Variants in ELAVL2 observed in about 807,000 individuals in gnomAD.
ELAVL2 encodes ELAV-like protein 2.
In ELAVL2, 4 loss-of-function variants were observed where a neutral mutation model predicts 34.6. The observed-to-expected ratio is 0.12, with a 90% CI of 0.06 to 0.26. The LOEUF (loss-of-function observed/expected upper bound fraction) is 0.26, where lower values mean the gene tolerates loss of function less well. ELAVL2 is among the 10% of genes least tolerant of loss of function. The pLI, the probability that ELAVL2 is intolerant of heterozygous loss-of-function variation, is 1.00. For synonymous variants in ELAVL2, 193 were observed against 154.8 expected (o/e 1.25, Z -1.83); for missense variants, 432 against 442.8 (o/e 0.98, Z 0.22).
chr9:23,760,325 C>T (rs1196321179), intron 2 of ELAVL2, among the ~76,000 whole-genome samples: 1 of 151,884 alleles, frequency 6.6e-6, no homozygotes, highest in Non-Finnish European at 1.5e-5. Flanking sequence ...GACTTTTGTG[C>T]TCTGTTCATG....
chr9:23,756,231 A>G (rs768536358), intron 2 of ELAVL2, among the ~76,000 whole-genome samples: 22 of 152,324 alleles, frequency 1.4e-4, no homozygotes, highest in Non-Finnish European at 3.1e-4. Flanking sequence ...TTAATAAAAA[A>G]TATTTTAAGA....
intron 1 of ELAVL2, among the ~76,000 whole-genome samples, chr9:23,820,640 A>AAG (rs1288736373): frequency 6.7e-6 from 1 of 148,230 alleles, no homozygotes; most frequent in Non-Finnish European, 1.5e-5. Flanking sequence ...TGCCGTGAGA[A>AAG]AGACTGCTGG....
intron 1 of ELAVL2, among the ~76,000 whole-genome samples, chr9:23,776,046 C>G (rs1459692326): frequency 6.6e-6 from 1 of 152,096 alleles, no homozygotes; most frequent in Non-Finnish European, 1.5e-5. Context: ...AAAAACAACC[C>G]CCTTACTTAT....
chr9:23,703,751 C>G (rs941545880), intron 4 of ELAVL2, among the ~76,000 whole-genome samples: 1 of 151,824 alleles, frequency 6.6e-6, no homozygotes, highest in Non-Finnish European at 1.5e-5. Flanking sequence ...ATACGGGTGG[C>G]GGGGAGAGAA....
intron 1 of ELAVL2, among the ~76,000 whole-genome samples, chr9:23,787,952 A>T (rs1187253539): frequency 6.6e-6 from 1 of 152,178 alleles, no homozygotes; most frequent in African/African-American, 2.4e-5. Flanking sequence ...GCTGATCCAG[A>T]CTAACTTCAG....
chr9:23,701,502 G>A lies in ELAVL2; in HGVS notation c.590C>T (p.Pro197Leu). ...GTTATTAGCAAACTTTACAGTGATT[G>A]GCTCCGTGGCACCGGGAGGTTTCTG... ...NGQKPPGATEPITVKFANNPS... is the reference protein window; with the variant it reads ...NGQKPPGATELITVKFANNPS... The change falls in exon 5 of 7, where the codon CCA (proline) becomes CTA (leucine). Residue 197 changes from proline (P) to leucine (L), a missense_variant. Pro to Leu is a moderately conservative substitution (Grantham distance 98). Around this residue, in one of 3 missense-constraint regions of ELAVL2, gnomAD observed 295 missense variants for 306.1 expected, o/e 0.96. Coordinates refer to ENST00000397312, the MANE Select transcript of ELAVL2 (RefSeq NM_004432.5). The A allele has an allele frequency of 6.2e-7, 1 of 1,614,094 alleles. No individual in the cohort carries two copies. The highest frequency in any genetic ancestry group is 8.5e-7 in the Non-Finnish European group (1 of 1,180,004).
At chr9:23,775,291 C>A (rs1188940471) in intron 1 of ELAVL2, among the ~76,000 whole-genome samples, 1 of 152,160 alleles carries the variant, frequency 6.6e-6, no homozygotes, top group Non-Finnish European at 1.5e-5. Context: ...AGGTGACTCA[C>A]GCTTGTAATT....
chr9:23,765,274 G>C (rs1026201321), intron 1 of ELAVL2, among the ~76,000 whole-genome samples: 1 of 152,122 alleles, frequency 6.6e-6, no homozygotes, highest in African/African-American at 2.4e-5. Flanking sequence ...TCAACATGTA[G>C]TTTTCTTGCA....
Position 23,762,237 on chromosome 9 carries a change from C to G in ELAVL2, c.-3G>C. 6.2e-7 allele frequency: 1 copy of G among 1,613,206 alleles called. No homozygotes were observed. The highest frequency in any genetic ancestry group is 8.5e-7 in the Non-Finnish European group (1 of 1,179,456). ...CCATTAGACAGTTGTGTTTCCATGG[C>G]AGCAATTACCTGCTAAAAACAGAGA... On this transcript the variant is annotated 5_prime_UTR_variant, in exon 2 of 7. Coordinates refer to ENST00000397312, the MANE Select transcript of ELAVL2 (RefSeq NM_004432.5).
chr9:23,781,485 G>A (rs1212587438), intron 1 of ELAVL2, among the ~76,000 whole-genome samples: 1 of 150,444 alleles, frequency 6.6e-6, no homozygotes, highest in Non-Finnish European at 1.5e-5. Flanking sequence ...CAGCAGAATA[G>A]CATATTTAAG....
intron 1 of ELAVL2, among the ~76,000 whole-genome samples, chr9:23,789,693 T>C (rs1588531150): frequency 6.6e-6 from 1 of 152,164 alleles, no homozygotes; most frequent in African/African-American, 2.4e-5. Flanking sequence ...TGGCAAGAAA[T>C]TGCTTCCTAA....
At chr9:23,737,894 C>G (rs2048270599) in intron 2 of ELAVL2, among the ~76,000 whole-genome samples, 1 of 152,106 alleles carries the variant, frequency 6.6e-6, no homozygotes, top group African/African-American at 2.4e-5. Context: ...AAACACAGCT[C>G]TTGCATAAAA....
rs2064888162 is a variant in ELAVL2, at chr9:23,822,153, T to C, written c.-16+3653A>G. On this transcript the variant is annotated intron_variant, in intron 1 of 6. Coordinates refer to ENST00000397312, the MANE Select transcript of ELAVL2 (RefSeq NM_004432.5). ...GGCGCTAACGGGGAGTCAGAGCAGC[T>C]AACGTGGGGGTTACTTTATGTGTTC... is the stretch of plus-strand genomic sequence containing the variant. 2.0e-5 allele frequency among the ~76,000 whole-genome samples: 3 copies of C among 152,106 alleles called. 1 individual carries two copies. The South Asian group carries it at 6.2e-4, about 32-fold the overall frequency.
At chr9:23,792,106 T>A (rs1317452312) in intron 1 of ELAVL2, among the ~76,000 whole-genome samples, 1 of 152,214 alleles carries the variant, frequency 6.6e-6, no homozygotes, top group African/African-American at 2.4e-5. Context: ...TTTTTCACTG[T>A]CAGTATTCAG....
Position 23,803,349 on chromosome 9 carries a change from T to A in ELAVL2, c.-16+22457A>T, listed in dbSNP as rs150223250. Among the ~76,000 whole-genome samples, 169 of 152,340 alleles carry A rather than the reference T, an allele frequency of 1.1e-3. 1 individual carries two copies. Among genetic ancestry groups the A allele is most frequent in the Middle Eastern group, 0.01 (3 of 294 alleles). ...TAACAAGCTATTACATGTTTCATGT[T>A]GCATACTTACACTGGTTTAGAAAAA... On this transcript the variant is annotated intron_variant, in intron 1 of 6. Coordinates refer to ENST00000397312, the MANE Select transcript of ELAVL2 (RefSeq NM_004432.5).
chr9:23,834,061 T>C, the ELAVL2 span, among the ~76,000 whole-genome samples: 1 of 151,976 alleles, frequency 6.6e-6, no homozygotes, highest in Non-Finnish European at 1.5e-5. Context: ...GTGCCTAGCA[T>C]GTGCCAGAAT....
At chr9:23,835,553 T>C in the ELAVL2 span, among the ~76,000 whole-genome samples, 1 of 152,186 alleles carries the variant, frequency 6.6e-6, no homozygotes, top group Admixed American at 6.5e-5. Context: ...TAAAGGAATA[T>C]AGAGGTAGAC....
Position 23,707,407 on chromosome 9 carries a change from A to C in ELAVL2, c.334-2336T>G, listed in dbSNP as rs997829033. On this transcript the variant is annotated intron_variant, in intron 3 of 6. Transcript: ENST00000397312. Reference sequence around the variant, plus strand: ...GGCTTTTTTTTCCACAGGAGGGAGCACCCAACAAGTCAGCTGTTACTCTGT... The same window carrying C: ...GGCTTTTTTTTCCACAGGAGGGAGCCCCCAACAAGTCAGCTGTTACTCTGT... Among the ~76,000 whole-genome samples, 10 of 152,270 alleles carry C rather than the reference A, an allele frequency of 6.6e-5. No individual in the cohort carries two copies. In the East Asian group the frequency reaches 1.9e-3, roughly 29 times the overall value.
At chr9:23,701,638 G>A in intron 4 of ELAVL2, 34 bp from the exon 5 acceptor site, 3 of 1,600,590 alleles carry the variant, frequency 1.9e-6, no homozygotes, top group African/African-American at 2.7e-5. Context: ...TTGGAAAAGA[G>A]GGAACAGAAG....
Sources: allele counts gnomAD v4.1 joint callset (sites outside exome capture counted in the v4.1 genomes callset), GRCh38; gene constraint gnomAD v4.1.1; regional missense constraint gnomAD v4.1.1; transcripts MANE v1.5; gene names NCBI Gene and HGNC (gene_info 2026-07-23, HGNC 2026-07-21).